The following RBFOX1 variants were observed in gnomAD, a reference collection of about 807,000 sequenced individuals.
RBFOX1 encodes RNA binding fox-1 homolog 1.
Under a neutral mutation model 57.7 loss-of-function variants are expected in RBFOX1, and 8 were observed. The observed-to-expected ratio is 0.14, with a 90% CI of 0.08 to 0.25. RBFOX1 has a LOEUF of 0.25. Among genes scored for constraint, RBFOX1 ranks in the 10% least tolerant of loss-of-function variants. The pLI is 1.00. For synonymous variants in RBFOX1, 326 were observed against 222.4 expected (o/e 1.47, Z -4.15); for missense variants, 611 against 548.5 (o/e 1.11, Z -1.14).
chr16:7,503,692 A>G (rs989722146), intron 4 of RBFOX1, among the ~76,000 whole-genome samples: 5 of 152,180 alleles, frequency 3.3e-5, no homozygotes, highest in African/African-American at 1.2e-4. Context: ...CTTCCCGCAT[A>G]CCCAGGAGGT....
chr16:6,353,696 C>G (rs1033650859), intron 2 of RBFOX1, among the ~76,000 whole-genome samples: 1 of 152,120 alleles, frequency 6.6e-6, no homozygotes, highest in South Asian at 2.1e-4. Context: ...TGTAGTGTCA[C>G]TTGGTTATTT....
intron 12 of RBFOX1, among the ~76,000 whole-genome samples, chr16:7,661,724 G>A (rs766312861): frequency 1.3e-5 from 2 of 152,314 alleles, no homozygotes; most frequent in African/African-American, 2.4e-5. Context: ...TTGGGGTACA[G>A]GAAAGCTTTC....
chr16:5,691,712 G>C (rs961030663), intron 3 of RBFOX1, among the ~76,000 whole-genome samples: 10 of 152,164 alleles, frequency 6.6e-5, no homozygotes, highest in African/African-American at 2.4e-4. Flanking sequence ...TTTCAGATGA[G>C]GGATGCTCAA....
At chr16:6,837,852 C>T (rs1203238121) in intron 3 of RBFOX1, among the ~76,000 whole-genome samples, 1 of 152,112 alleles carries the variant, frequency 6.6e-6, no homozygotes, top group African/African-American at 2.4e-5. Context: ...ACATTGAAGA[C>T]TGGCGGAAAC....
intron 4 of RBFOX1, among the ~76,000 whole-genome samples, chr16:7,359,517 T>C (rs2097279785): frequency 6.6e-6 from 1 of 152,206 alleles, no homozygotes; most frequent in South Asian, 2.1e-4. Flanking sequence ...AAGGGAGCAG[T>C]AATTTGGTGG....
intron 1 of RBFOX1, among the ~76,000 whole-genome samples, chr16:5,267,411 C>T (rs1319873255): frequency 3.9e-5 from 6 of 152,036 alleles, no homozygotes; most frequent in African/African-American, 1.4e-4. Context: ...AATGCTTGTG[C>T]CTCAGCCCCC....
chr16:7,136,966 A>C (rs932984580), intron 4 of RBFOX1, among the ~76,000 whole-genome samples: 2 of 152,170 alleles, frequency 1.3e-5, no homozygotes, highest in African/African-American at 4.8e-5. Flanking sequence ...CCAGGACTGG[A>C]TGCCCATGCC....
rs113854544 is a variant in RBFOX1 at position 6,124,826 on chromosome 16, C to T, written c.-127+104834C>T. ...TACAGGCATGAGTCACCGTGCCTGG[C>T]GCCAATTCAATTTTTTAATACATCC... On this transcript the variant is annotated intron_variant, in intron 1 of 15. Transcript: ENST00000550418. 1.7e-3 allele frequency among the ~76,000 whole-genome samples: 253 copies of T among 152,230 alleles called. No homozygotes were observed. The Middle Eastern group carries it at 0.024, about 14-fold the overall frequency.
chr16:6,254,845 C>G (rs917780564), intron 1 of RBFOX1, among the ~76,000 whole-genome samples: 3 of 151,994 alleles, frequency 2.0e-5, no homozygotes, highest in African/African-American at 4.8e-5. Context: ...TCTTTCCTGC[C>G]CTGTTCTCTG....
In RBFOX1 at chr16:7,496,979, A is replaced by G. The variant is rs539851501; in HGVS notation, c.28-21168A>G. ...GTTTCATCTGTGCTTCTCTGTCTCC[A>G]CTTGGCTTTGTCACGTCTCCCATAA... is the stretch of plus-strand genomic sequence containing the variant. On this transcript the variant is annotated intron_variant, in intron 4 of 15. Transcript: ENST00000550418. Among the ~76,000 whole-genome samples the G allele has an allele frequency of 3.9e-5, 6 of 152,154 alleles. No homozygotes were observed. In the South Asian group the frequency reaches 1.2e-3, roughly 32 times the overall value.
intron 2 of RBFOX1, among the ~76,000 whole-genome samples, chr16:6,620,376 T>C (rs373931560): frequency 2.6e-5 from 4 of 152,236 alleles, no homozygotes; most frequent in African/African-American, 9.6e-5. Flanking sequence ...TAGCACTAAA[T>C]GCCCACATCC....
intron 4 of RBFOX1, among the ~76,000 whole-genome samples, chr16:7,438,677 C>A (rs939708674): frequency 1.1e-4 from 16 of 152,176 alleles, no homozygotes; most frequent in African/African-American, 3.9e-4. Flanking sequence ...ATTAAAACTC[C>A]TTTAACGTGC....
chr16:7,653,698 G>C, intron 11 of RBFOX1, 117 bp from the exon 12 acceptor site: 1 of 1,429,094 alleles, frequency 7.0e-7, no homozygotes, highest in African/African-American at 1.4e-5. Context: ...CGGGAAGCGG[G>C]CGGGGGTCCT....
intron 4 of RBFOX1, among the ~76,000 whole-genome samples, chr16:7,439,001 G>A (rs760636937): frequency 6.6e-6 from 1 of 152,216 alleles, no homozygotes. Context: ...ATGAGGGCAG[G>A]TCGCGCTGTG....
intron 2 of RBFOX1, among the ~76,000 whole-genome samples, chr16:5,548,003 T>C (rs1212420460): frequency 6.6e-6 from 1 of 150,418 alleles, no homozygotes; most frequent in Non-Finnish European, 1.5e-5. Flanking sequence ...CTACTAAAAA[T>C]AAAAAAAATT....
chr16:7,085,437 G>T (rs1319444697), intron 4 of RBFOX1, among the ~76,000 whole-genome samples: 1 of 152,080 alleles, frequency 6.6e-6, no homozygotes, highest in African/African-American at 2.4e-5. Context: ...TTTCAAAAAA[G>T]TATCGATATA....
At chr16:6,521,511 C>G (rs985956786) in intron 2 of RBFOX1, among the ~76,000 whole-genome samples, 15 of 147,772 alleles carry the variant, frequency 1.0e-4, no homozygotes, top group Admixed American at 9.4e-4. Flanking sequence ...ATCCCCTCCC[C>G]TTCGCTTTTC....
chr16:7,564,571 C>T (rs1489348475), intron 5 of RBFOX1, among the ~76,000 whole-genome samples: 4 of 106,418 alleles, frequency 3.8e-5, no homozygotes, highest in African/African-American at 1.9e-4. Context: ...AAAAAAAAGG[C>T]ACTCATCTGC....
At chr16:6,905,302 C>A (rs552070861) in intron 3 of RBFOX1, among the ~76,000 whole-genome samples, 2 of 151,928 alleles carry the variant, frequency 1.3e-5, no homozygotes, top group East Asian at 3.9e-4. Context: ...TCCTGTAATC[C>A]TAGAACTTTG....
Sources: gnomAD v4.1 joint callset for allele counts (sites outside exome capture counted in the v4.1 genomes callset) on GRCh38, gnomAD v4.1.1 for gene constraint, MANE v1.5 for transcripts, NCBI Gene and HGNC (gene_info 2026-07-23, HGNC 2026-07-21) for gene names.